Variants in RBFOX1 observed in about 807,000 individuals in gnomAD.
The protein encoded by RBFOX1 is RNA binding fox-1 homolog 1.
In RBFOX1, 8 loss-of-function variants were observed where a neutral mutation model predicts 57.7. The ratio of observed to expected loss-of-function variants is 0.14; its 90% CI spans 0.08 to 0.25. The LOEUF (loss-of-function observed/expected upper bound fraction) is 0.25. Ranked by LOEUF, RBFOX1 falls within the 10% of genes least tolerant of loss-of-function variation. The pLI, the probability that RBFOX1 is intolerant of heterozygous loss-of-function variation, is 1.00. For synonymous variants in RBFOX1, 326 were observed against 222.4 expected (o/e 1.47, Z -4.15); for missense variants, 611 against 548.5 (o/e 1.11, Z -1.14).
At chr16:6,105,506 T>C (rs1015264405) in intron 1 of RBFOX1, among the ~76,000 whole-genome samples, 2 of 152,198 alleles carry the variant, frequency 1.3e-5, no homozygotes, top group African/African-American at 4.8e-5. Context: ...GGCATGCTGA[T>C]GCAAGCAAAG....
At chr16:7,093,928 G>C (rs879004872) in intron 4 of RBFOX1, among the ~76,000 whole-genome samples, 1 of 151,734 alleles carries the variant, frequency 6.6e-6, no homozygotes, top group African/African-American at 2.4e-5. Context: ...AAACATAATG[G>C]TGTGACTATA....
intron 1 of RBFOX1, among the ~76,000 whole-genome samples, chr16:6,149,219 G>T (rs1020857404): frequency 6.6e-6 from 1 of 152,218 alleles, no homozygotes; most frequent in Non-Finnish European, 1.5e-5. Context: ...ATGTGTGTGT[G>T]TGCGCGCGCG....
intron 2 of RBFOX1, among the ~76,000 whole-genome samples, chr16:6,647,659 G>A (rs1437574835): frequency 6.6e-6 from 1 of 152,124 alleles, no homozygotes; most frequent in Non-Finnish European, 1.5e-5. Flanking sequence ...TTTTAGGGGG[G>A]ACACATACAT....
At chr16:6,713,993 C>A (rs984620847) in intron 3 of RBFOX1, among the ~76,000 whole-genome samples, 1 of 152,176 alleles carries the variant, frequency 6.6e-6, no homozygotes, top group African/African-American at 2.4e-5. Context: ...TGTGTACCCA[C>A]GTAAATCTCA....
intron 3 of RBFOX1, among the ~76,000 whole-genome samples, chr16:7,032,581 C>CTGTT (rs35455847): frequency 5.1e-4 from 77 of 151,454 alleles, no homozygotes; most frequent in East Asian, 9.8e-4. Context: ...ACAGCTATTT[C>CTGTT]TGTTTGTTTG....
At chr16:6,696,385 A>G (rs764727900) in intron 3 of RBFOX1, among the ~76,000 whole-genome samples, 1 of 152,186 alleles carries the variant, frequency 6.6e-6, no homozygotes, top group Non-Finnish European at 1.5e-5. Context: ...GTCTTGTTTT[A>G]TATTGAAACC....
chr16:7,220,725 G>A (rs1443270684), intron 4 of RBFOX1, among the ~76,000 whole-genome samples: 1 of 150,612 alleles, frequency 6.6e-6, no homozygotes, highest in Non-Finnish European at 1.5e-5. Flanking sequence ...GGATCATCTT[G>A]GATCCTGGCT....
At chr16:5,553,625 A>G (rs539102638) in intron 2 of RBFOX1, among the ~76,000 whole-genome samples, 19 of 152,124 alleles carry the variant, frequency 1.2e-4, no homozygotes, top group Admixed American at 1.1e-3. Flanking sequence ...ATGTCTGAAT[A>G]TTTTAAAACT....
At chr16:7,364,389 T>C (rs572832378) in intron 4 of RBFOX1, among the ~76,000 whole-genome samples, 1 of 152,160 alleles carries the variant, frequency 6.6e-6, no homozygotes, top group African/African-American at 2.4e-5. Flanking sequence ...TACATTATGG[T>C]GCTAATTCAT....
intron 3 of RBFOX1, among the ~76,000 whole-genome samples, chr16:6,796,717 C>T (rs1007177920): frequency 6.6e-6 from 1 of 152,130 alleles, no homozygotes; most frequent in South Asian, 2.1e-4. Context: ...TGAACTTTCT[C>T]TCCTGGGTAC....
In RBFOX1 at chr16:7,558,998, T is replaced by G. The variant is rs143870344; in HGVS notation, c.271-20779T>G. On this transcript the variant is annotated intron_variant, in intron 5 of 15. Coordinates refer to ENST00000550418, the MANE Select transcript of RBFOX1 (RefSeq NM_018723.4). ...AATGGCATAAAATTATTTTATAGTT[T>G]TATTTTATTTTACCCATCAATGAAG... is the stretch of plus-strand genomic sequence containing the variant. 6.4e-3 allele frequency among the ~76,000 whole-genome samples: 969 copies of G among 152,334 alleles called. 14 individuals are homozygous for G. Among genetic ancestry groups the G allele is most frequent in the African/African-American group, 0.022 (916 of 41,574 alleles).
intron 4 of RBFOX1, among the ~76,000 whole-genome samples, chr16:7,515,439 A>G (rs1257824946): frequency 6.6e-6 from 1 of 151,892 alleles, no homozygotes; most frequent in African/African-American, 2.4e-5. Context: ...GAAGTGTGCT[A>G]AGAGGATAGA....
chr16:7,054,218 G>C (rs901588633), intron 4 of RBFOX1, among the ~76,000 whole-genome samples: 11 of 104,936 alleles, frequency 1.0e-4, no homozygotes, highest in East Asian at 3.6e-4. Flanking sequence ...TTTTTCGGGG[G>C]GGGGGGGCGG....
At chr16:5,304,894 G>C (rs558446598) in intron 1 of RBFOX1, among the ~76,000 whole-genome samples, 2 of 152,076 alleles carry the variant, frequency 1.3e-5, no homozygotes, top group Admixed American at 6.6e-5. Context: ...TATTCCCTGC[G>C]AATTTGAACC....
rs1205791499 is a variant in RBFOX1 at position 7,518,260 on chromosome 16, C to A, written c.141C>A (p.His47Gln). The change falls in exon 5 of 16, where the codon CAC (histidine) becomes CAA (glutamine). Residue 47 changes from histidine to glutamine, a missense_variant. Physicochemically the swap from His to Gln is conservative, Grantham distance 24. This residue lies in a region of RBFOX1 where 245 missense variants were observed against 159.1 expected (regional missense o/e 1.54). Transcript: ENST00000550418. ...IPAEYTAPHP[H>Q]PAPEYTGQTT... is the part of the protein sequence containing the mutation. Reference sequence around the variant, plus strand: ...CGGAATACACGGCCCCTCATCCCCACCCCGCGCCAGAGTACACAGGCCAGA... The same window carrying A: ...CGGAATACACGGCCCCTCATCCCCAACCCGCGCCAGAGTACACAGGCCAGA... 6.2e-7 allele frequency: 1 copy of A among 1,614,040 alleles called. No individual in the cohort carries two copies. The highest frequency in any genetic ancestry group is 1.7e-5 in the Admixed American group (1 of 60,006).
At chr16:7,334,251 T>C (rs1057357092) in intron 4 of RBFOX1, among the ~76,000 whole-genome samples, 1 of 152,280 alleles carries the variant, frequency 6.6e-6, no homozygotes, top group East Asian at 1.9e-4. Context: ...TTCCTCTGTT[T>C]GGAAGCTTTT....
At chr16:5,863,486 C>T (rs941033002) in intron 3 of RBFOX1, among the ~76,000 whole-genome samples, 3 of 152,196 alleles carry the variant, frequency 2.0e-5, no homozygotes, top group East Asian at 1.9e-4. Flanking sequence ...CAGGCCTCTG[C>T]GGTACGGTCT....
chr16:7,023,404 G>T (rs1235199451), intron 3 of RBFOX1, among the ~76,000 whole-genome samples: 1 of 151,036 alleles, frequency 6.6e-6, no homozygotes, highest in Non-Finnish European at 1.5e-5. Context: ...AGGTTGCAGT[G>T]AGCCGAGATC....
intron 1 of RBFOX1, among the ~76,000 whole-genome samples, chr16:5,267,076 G>A (rs1290690315): frequency 2.0e-5 from 3 of 151,714 alleles, no homozygotes; most frequent in Non-Finnish European, 4.4e-5. Context: ...CCAAGGAGAG[G>A]AGTGTGTTGT....
Sources: allele counts gnomAD v4.1 joint callset (sites outside exome capture counted in the v4.1 genomes callset), GRCh38; gene constraint gnomAD v4.1.1; regional missense constraint gnomAD v4.1.1; transcripts MANE v1.5; gene names NCBI Gene and HGNC (gene_info 2026-07-23, HGNC 2026-07-21).